Variants in FERMT1 observed in about 807,000 individuals in gnomAD.
FERMT1 encodes fermitin family homolog 1.
In FERMT1, 60 loss-of-function variants were observed where a neutral mutation model predicts 85.3. The ratio of observed to expected loss-of-function variants is 0.70; its 90% confidence interval spans 0.57 to 0.87. The LOEUF (loss-of-function observed/expected upper bound fraction) is 0.87, where lower values mean the gene tolerates loss of function less well. Ranked by LOEUF, FERMT1 falls within the 40% of genes least tolerant of loss-of-function variation. The pLI is 0.00. For synonymous variants in FERMT1, 275 were observed against 301.1 expected, an observed-to-expected ratio of 0.91 and a Z score of 0.90; for missense variants, 701 against 818.9, an observed-to-expected ratio of 0.86 and a Z score of 1.76.
intron 1 of FERMT1, among the ~76,000 whole-genome samples, chr20:6,119,934 A>G (rs1480177592): frequency 6.6e-6 from 1 of 152,190 alleles, no homozygotes; most frequent in African/African-American, 2.4e-5. Flanking sequence ...GCAATCTTCC[A>G]TATTATCTTT....
chr20:6,105,423 A>T (rs1352549349), intron 6 of FERMT1, among the ~76,000 whole-genome samples: 1 of 152,220 alleles, frequency 6.6e-6, no homozygotes, highest in African/African-American at 2.4e-5. Context: ...ATTTCCTCTC[A>T]GGATGCTAAA....
intron 1 of FERMT1, among the ~76,000 whole-genome samples, chr20:6,121,530 A>C (rs924706292): frequency 2.0e-5 from 3 of 152,246 alleles, no homozygotes; most frequent in Non-Finnish European, 4.4e-5. Flanking sequence ...CAGTGACTGC[A>C]TTAGGCCTAA....
At chr20:6,077,496 A>G (rs1462753296) in intron 14 of FERMT1, 150 bp from the exon 15 acceptor site, 3 of 748,782 alleles carry the variant, frequency 4.0e-6, no homozygotes, top group Admixed American at 2.5e-5. Context: ...CATCACTTCC[A>G]TTAAACGCTT....
Position 6,110,476 on chromosome 20 carries a change from T to G in FERMT1, c.568A>C (p.Ile190Leu). Reference sequence around the variant, plus strand: ...GGTGTTCCATTGATGGGGTCATATATAGGGGTCATGGTTTTACTGTATAAA... The same window carrying G: ...GGTGTTCCATTGATGGGGTCATATAGAGGGGTCATGGTTTTACTGTATAAA... ...PGLYSKTMTP[I>L]YDPINGTPAS... The change falls in exon 5 of 15, where the codon ATA (isoleucine) becomes CTA (leucine). Residue 190 changes from isoleucine to leucine, a missense_variant. Transcript: ENST00000217289. 1 of 1,614,118 alleles carries G rather than the reference T, an allele frequency of 6.2e-7. No homozygotes were observed. The highest frequency in any genetic ancestry group is 8.5e-7 in the Non-Finnish European group (1 of 1,180,000).
intron 2 of FERMT1, 39 bp from the exon 3 acceptor site, chr20:6,116,083 G>C (rs1286602502): frequency 8.2e-5 from 119 of 1,445,926 alleles, no homozygotes; most frequent in Non-Finnish European, 1.1e-4. Context: ...AATGAGAGAG[G>C]GCCCAGCTTG....
Position 6,076,649 on chromosome 20 carries a change from TGGCCTCCAGG to T in FERMT1, c.*514_*523del. Reference sequence around the variant, plus strand: ...CCCTCCCCTTTCTACCCCTAGACCTTGGCCTCCAGGGAAAAAGTGTGTGTAGGAACTCCCT... The same window carrying T: ...CCCTCCCCTTTCTACCCCTAGACCTTGAAAAAGTGTGTGTAGGAACTCCCT... On this transcript the variant is annotated 3_prime_UTR_variant, in exon 15 of 15. Transcript: ENST00000217289. The T allele has an allele frequency of 2.9e-6, 1 of 344,260 alleles. No homozygotes were observed. Among genetic ancestry groups the T allele is most frequent in the Non-Finnish European group, 5.7e-6 (1 of 174,192 alleles). 21.3% of individuals were successfully genotyped at this position (344,260 alleles called of 1,614,324 possible).
chr20:6,088,639 T>C (rs1982258330), intron 10 of FERMT1, among the ~76,000 whole-genome samples: 1 of 151,222 alleles, frequency 6.6e-6, no homozygotes, highest in African/African-American at 2.4e-5. Flanking sequence ...TTTTTTTTTT[T>C]TTTTTTGGAG....
chr20:6,115,691 T>G (rs537786455), intron 3 of FERMT1, 120 bp downstream of exon 3: 697 of 793,924 alleles, frequency 8.8e-4, no homozygotes, highest in Non-Finnish European at 1.4e-3. Flanking sequence ...CTTAAACATG[T>G]GCTTCCTAAT....
At chr20:6,083,356 G>A (rs1982053179) in intron 13 of FERMT1, among the ~76,000 whole-genome samples, 1 of 152,072 alleles carries the variant, frequency 6.6e-6, no homozygotes, top group African/African-American at 2.4e-5. Context: ...GCAATAGATG[G>A]GCCTCCTATG....
intron 2 of FERMT1, among the ~76,000 whole-genome samples, 191 bp from the exon 3 acceptor site, chr20:6,116,235 G>C (rs1193019503): frequency 6.6e-6 from 1 of 152,102 alleles, no homozygotes; most frequent in Non-Finnish European, 1.5e-5. Context: ...AAAAAATAGG[G>C]ACTGGGATGG....
At chr20:6,086,610 T>C (rs755952379) in intron 11 of FERMT1, among the ~76,000 whole-genome samples, 5 of 152,172 alleles carry the variant, frequency 3.3e-5, no homozygotes, top group Non-Finnish European at 7.4e-5. Flanking sequence ...TAATTCCCAG[T>C]GTTGGGGGAG....
intron 8 of FERMT1, among the ~76,000 whole-genome samples, chr20:6,095,892 T>C (rs1337254534): frequency 1.3e-5 from 2 of 152,248 alleles, no homozygotes; most frequent in Non-Finnish European, 2.9e-5. Flanking sequence ...TTCTAATCCA[T>C]GATTACTGCT....
chr20:6,113,460 C>T (rs974099375), intron 3 of FERMT1, among the ~76,000 whole-genome samples: 8 of 152,148 alleles, frequency 5.3e-5, no homozygotes, highest in African/African-American at 9.7e-5. Context: ...AGATCTTGAA[C>T]GTCTTTCTTT....
In FERMT1 at chr20:6,097,598, G is replaced by C. The variant is rs550410343; in HGVS notation, c.883C>G (p.Gln295Glu). Residue 295 changes from glutamine to glutamate, a missense_variant, in exon 7 of 15, where the codon CAA becomes GAA. Physicochemically the swap from Gln to Glu is conservative, Grantham distance 29. Coordinates refer to ENST00000217289, the MANE Select transcript of FERMT1 (RefSeq NM_017671.5). ...DAVRINQLYE[Q>E]ARWAILLEEI... ...TCTAAGAGAATGGCCCACCTGGCTTGCTCATAGAGTTGGTTTATTCGGACA... is the reference window on the plus strand; with the variant it reads ...TCTAAGAGAATGGCCCACCTGGCTTCCTCATAGAGTTGGTTTATTCGGACA... 6.2e-7 allele frequency: 1 copy of C among 1,613,952 alleles called. No homozygotes were observed. The highest frequency in any genetic ancestry group is 1.1e-5 in the South Asian group (1 of 91,056).
At chr20:6,112,442 C>T (rs750567954) in intron 4 of FERMT1, 35 bp downstream of exon 4, 24 of 1,605,298 alleles carry the variant, frequency 1.5e-5, no homozygotes, top group African/African-American at 6.7e-5. Context: ...TTTTACTGTA[C>T]GTTCAAACAA....
At chr20:6,098,506 T>C (rs1444445638) in intron 6 of FERMT1, among the ~76,000 whole-genome samples, 1 of 151,882 alleles carries the variant, frequency 6.6e-6, no homozygotes, top group African/African-American at 2.4e-5. Context: ...GGTGTAATGA[T>C]TGATAAAGTA....
intron 2 of FERMT1, among the ~76,000 whole-genome samples, chr20:6,119,100 G>A (rs544739769): frequency 6.6e-5 from 10 of 152,112 alleles, no homozygotes; most frequent in African/African-American, 1.7e-4. Flanking sequence ...TGCACCCACC[G>A]CCACGCCAGG....
intron 1 of FERMT1, among the ~76,000 whole-genome samples, chr20:6,120,987 T>A (rs1983257142): frequency 6.6e-6 from 1 of 152,244 alleles, no homozygotes; most frequent in Non-Finnish European, 1.5e-5. Flanking sequence ...TCGAAACGAC[T>A]CATTTGTAAG....
intron 6 of FERMT1, among the ~76,000 whole-genome samples, chr20:6,102,794 G>A (rs1286659894): frequency 6.6e-6 from 1 of 151,110 alleles, no homozygotes; most frequent in Non-Finnish European, 1.5e-5. Context: ...TCCCTGTCTA[G>A]TCAGTTCAGT....
Sources: gnomAD v4.1 joint callset for allele counts (sites outside exome capture counted in the v4.1 genomes callset) on GRCh38, gnomAD v4.1.1 for gene constraint, MANE v1.5 for transcripts, NCBI Gene and HGNC (gene_info 2026-07-23, HGNC 2026-07-21) for gene names.